The following SPIDR variants were observed in gnomAD, a reference collection of about 807,000 sequenced individuals.
The protein encoded by SPIDR is DNA repair-scaffolding protein.
Under a neutral mutation model 104.6 loss-of-function variants are expected in SPIDR, and 93 were observed. The observed-to-expected ratio is 0.89, with a 90% CI of 0.75 to 1.06. The LOEUF (loss-of-function observed/expected upper bound fraction) is 1.06, where lower values mean the gene tolerates loss of function less well. Ranked by LOEUF, SPIDR falls within the 50% of genes least tolerant of loss-of-function variation. The pLI is 0.00. For missense variants in SPIDR, 1,154 were observed against 1,111.2 expected, an observed-to-expected ratio of 1.04 and a Z score of -0.55; for synonymous variants, 431 against 416.9, an observed-to-expected ratio of 1.03 and a Z score of -0.41.
At chr8:47,266,891 C>T (rs2034189676) in intron 1 of SPIDR, among the ~76,000 whole-genome samples, 1 of 152,216 alleles carries the variant, frequency 6.6e-6, no homozygotes, top group Admixed American at 6.5e-5. Flanking sequence ...TAGTCAGTCA[C>T]TCCCCATTCT....
chr8:47,289,844 A>G (rs2039573712), intron 3 of SPIDR, among the ~76,000 whole-genome samples: 1 of 152,204 alleles, frequency 6.6e-6, no homozygotes, highest in Non-Finnish European at 1.5e-5. Flanking sequence ...ATAGCCCCAA[A>G]CTAGAAACAA....
chr8:47,607,306 T>A (rs1016020933), intron 10 of SPIDR, among the ~76,000 whole-genome samples: 3 of 152,158 alleles, frequency 2.0e-5, no homozygotes, highest in Admixed American at 2.0e-4. Context: ...ATCCCTTAAT[T>A]AATTAGTTCT....
chr8:47,636,728 A>T (rs1327421867), intron 10 of SPIDR, among the ~76,000 whole-genome samples: 3 of 151,834 alleles, frequency 2.0e-5, no homozygotes, highest in Non-Finnish European at 4.4e-5. Flanking sequence ...AGGTGGAAGG[A>T]TCACTTGAGC....
At chr8:47,660,615 C>T in intron 10 of SPIDR, 6 of 622,754 alleles carry the variant, frequency 9.6e-6, no homozygotes, top group Non-Finnish European at 1.2e-5. Flanking sequence ...GGGCAGGGAC[C>T]CGCTGTAGAC....
In SPIDR at chr8:47,509,600, C is replaced by A. The variant is rs79219931; in HGVS notation, c.1097+69058C>A. On this transcript the variant is annotated intron_variant, in intron 8 of 19. Coordinates refer to ENST00000297423, the MANE Select transcript of SPIDR (RefSeq NM_001080394.4). ...TTTCTCTAGTAACATATTACAACAT[C>A]TAACAGACAAAAAAGCAAGTCGCAT... Among the ~76,000 whole-genome samples, 631 of 152,286 alleles carry A rather than the reference C, an allele frequency of 4.1e-3. 5 individuals carry two copies. The highest frequency in any genetic ancestry group is 0.014 in the African/African-American group (597 of 41,556).
At chr8:47,466,952 T>TA (rs536971446) in intron 8 of SPIDR, among the ~76,000 whole-genome samples, 1 of 137,212 alleles carries the variant, frequency 7.3e-6, no homozygotes, top group Non-Finnish European at 1.5e-5. Flanking sequence ...TAGATAGATA[T>TA]AAAAAATAGA....
chr8:47,507,540 G>A (rs548132751), intron 8 of SPIDR, among the ~76,000 whole-genome samples: 64 of 152,360 alleles, frequency 4.2e-4, no homozygotes, highest in African/African-American at 1.5e-3. Flanking sequence ...AGCCCTGGTG[G>A]GGGGCTGAGG....
intron 11 of SPIDR, among the ~76,000 whole-genome samples, chr8:47,676,591 C>T (rs1355886587): frequency 6.6e-6 from 1 of 151,882 alleles, no homozygotes; most frequent in Non-Finnish European, 1.5e-5. Context: ...TCTCATAAAC[C>T]TTAACAAAAT....
chr8:47,719,116 G>C (rs1479761097), intron 16 of SPIDR, among the ~76,000 whole-genome samples: 1 of 152,092 alleles, frequency 6.6e-6, no homozygotes, highest in Non-Finnish European at 1.5e-5. Context: ...AGAAGTTCTA[G>C]GCCTCTCAAC....
chr8:47,384,228 A>C (rs1588002390), intron 5 of SPIDR, among the ~76,000 whole-genome samples: 1 of 152,314 alleles, frequency 6.6e-6, no homozygotes, highest in East Asian at 1.9e-4. Context: ...AAAGCAAAAC[A>C]TCAATGTTTC....
At chr8:47,708,124 G>A (rs1250485657) in intron 14 of SPIDR, among the ~76,000 whole-genome samples, 1 of 152,136 alleles carries the variant, frequency 6.6e-6, no homozygotes, top group African/African-American at 2.4e-5. Context: ...ATGTGGTGAA[G>A]CCCTGTCTCT....
rs563219620 is a variant in SPIDR, at chr8:47,552,175, A to C, written c.1098-43636A>C. ...TTTTGTTCTTTTACATTTGCTGAGG[A>C]GTGCTTTACTTCCAACTATGTGGTC... On this transcript the variant is annotated intron_variant, in intron 8 of 19. Coordinates refer to ENST00000297423, the MANE Select transcript of SPIDR (RefSeq NM_001080394.4). Among the ~76,000 whole-genome samples the C allele has an allele frequency of 6.6e-5, 10 of 152,320 alleles. No individual in the cohort carries two copies. The South Asian group carries it at 8.3e-4, about 13-fold the overall frequency.
intron 8 of SPIDR, among the ~76,000 whole-genome samples, chr8:47,501,414 G>A (rs1459183944): frequency 2.0e-5 from 3 of 152,042 alleles, no homozygotes; most frequent in African/African-American, 7.3e-5. Flanking sequence ...AATTGTGAAT[G>A]GGAGTTCACT....
At chr8:47,511,623 A>T in intron 8 of SPIDR, 2 of 791,378 alleles carry the variant, frequency 2.5e-6, no homozygotes, top group African/African-American at 1.7e-5. Context: ...GGTTGGAATG[A>T]TGTCTCTTTT....
rs767017653 is a variant in SPIDR at position 47,735,445 on chromosome 8, C to G, written c.2743C>G (p.His915Asp). 6.2e-7 allele frequency: 1 copy of G among 1,614,194 alleles called. No homozygotes were observed. Among genetic ancestry groups the G allele is most frequent in the African/African-American group, 1.3e-5 (1 of 75,036 alleles). The change falls in exon 20 of 20, where the codon CAC (histidine) becomes GAC (aspartate). Residue 915 changes from histidine (H) to aspartate (D), a missense_variant. His to Asp is a moderately conservative substitution (Grantham distance 81). Coordinates refer to ENST00000297423, the MANE Select transcript of SPIDR (RefSeq NM_001080394.4). ...GAGTGCAGGAGGGGCCTCTGCAGAA[C>G]ACTAGCGGTTGCCGCAGGATCTGTG... ...LLSAGGASAE[H>D]
At chr8:47,491,488 A>G (rs188410414) in intron 8 of SPIDR, among the ~76,000 whole-genome samples, 34 of 152,180 alleles carry the variant, frequency 2.2e-4, no homozygotes, top group Admixed American at 1.9e-3. Context: ...ATATATATAT[A>G]GTTCATGAAT....
In SPIDR at chr8:47,736,138, T is replaced by C. The variant is rs1394698635; in HGVS notation, c.*688T>C. The C allele has an allele frequency of 6.5e-6, 1 of 154,012 alleles. No individual in the cohort carries two copies. The highest frequency in any genetic ancestry group is 1.4e-5 in the Non-Finnish European group (1 of 69,186). 9.5% of individuals were successfully genotyped at this position (154,012 alleles called of 1,614,324 possible). A position where few individuals can be genotyped will look rare whatever the true frequency, so the allele number is the denominator to read the frequency against. Reference sequence around the variant, plus strand: ...GGAGCAGTCAGTCGGATATTTGCTTTGCTGGCAAAGATTTAAACCAAGAAT... The same window carrying C: ...GGAGCAGTCAGTCGGATATTTGCTTCGCTGGCAAAGATTTAAACCAAGAAT... On this transcript the variant is annotated 3_prime_UTR_variant, in exon 20 of 20. Transcript: ENST00000297423.
intron 10 of SPIDR, among the ~76,000 whole-genome samples, chr8:47,655,481 A>G (rs1478126762): frequency 2.6e-5 from 4 of 152,118 alleles, no homozygotes; most frequent in Middle Eastern, 3.2e-3. Context: ...GCCAGTGATG[A>G]TGAGCATTTT....
chr8:47,443,601 C>T (rs1554698993), intron 8 of SPIDR, among the ~76,000 whole-genome samples: 1 of 143,086 alleles, frequency 7.0e-6, no homozygotes, highest in East Asian at 2.1e-4. Flanking sequence ...ACACCTCATA[C>T]TTAACAAAAC....
Sources: gnomAD v4.1 joint callset for allele counts (sites outside exome capture counted in the v4.1 genomes callset) on GRCh38, gnomAD v4.1.1 for gene constraint, MANE v1.5 for transcripts, NCBI Gene and HGNC (gene_info 2026-07-23, HGNC 2026-07-21) for gene names.